The following SMG5 variants were observed in gnomAD, a reference collection of about 807,000 sequenced individuals.
SMG5 encodes nonsense-mediated mRNA decay factor SMG5.
A neutral mutation model predicts 122.9 loss-of-function variants in SMG5; 53 were observed. That is an observed-to-expected ratio of 0.43 (90% CI 0.35 to 0.54). The LOEUF (loss-of-function observed/expected upper bound fraction) is 0.54. SMG5 is among the 20% of genes least tolerant of loss of function. SMG5 has a pLI of 0.01. For synonymous variants in SMG5, 477 were observed against 490.2 expected (o/e 0.97, Z 0.35); for missense variants, 1,153 against 1,285.6 (o/e 0.90, Z 1.58).
chr1:156,251,362 C>G, intron 20 of SMG5, 41 bp downstream of exon 20: 2 of 1,605,594 alleles, frequency 1.2e-6, no homozygotes, highest in Non-Finnish European at 1.7e-6. Context: ...AGGAGCAAGG[C>G]AGGTGGCCTG....
chr1:156,285,138 C>A, upstream of SMG5: 1 of 1,470,104 alleles, frequency 6.8e-7, no homozygotes, highest in Non-Finnish European at 9.1e-7. Flanking sequence ...GTCCTAATAA[C>A]TAGAAGACAG....
intron 1 of SMG5, among the ~76,000 whole-genome samples, chr1:156,279,950 G>A (rs534593222): frequency 3.9e-5 from 6 of 152,276 alleles, no homozygotes; most frequent in African/African-American, 9.6e-5. Flanking sequence ...ACTTCCTTAC[G>A]TCTCACTTCA....
At position 156,253,511 on chromosome 1, in the gene SMG5, A is replaced by G; in HGVS notation, c.2443-3T>C. The G allele has an allele frequency of 2.5e-6, 4 of 1,614,064 alleles. No individual in the cohort carries two copies. Among genetic ancestry groups the G allele is most frequent in the Non-Finnish European group, 3.4e-6 (4 of 1,179,982 alleles). On this transcript the variant is annotated splice_polypyrimidine_tract_variant and splice_region_variant and intron_variant, in intron 16 of 21. Transcript: ENST00000361813. ...TTCCGACGAGCTTCCTCCTGTGCCT[A>G]TGAGGGAAAAAATGAGCTGTAAGGA... is the stretch of plus-strand genomic sequence containing the variant.
At chr1:156,251,969 T>A (rs975732058) in intron 19 of SMG5, among the ~76,000 whole-genome samples, 1 of 152,224 alleles carries the variant, frequency 6.6e-6, no homozygotes, top group Non-Finnish European at 1.5e-5. Context: ...GGCTTCGGTC[T>A]TACCACTCCC....
intron 1 of SMG5, among the ~76,000 whole-genome samples, chr1:156,280,128 T>C (rs753638704): frequency 3.9e-5 from 6 of 152,196 alleles, no homozygotes; most frequent in Admixed American, 1.3e-4. Flanking sequence ...GAGGTAAGTC[T>C]GTCATCACAG....
Position 156,266,561 on chromosome 1 carries a change from G to A in SMG5, c.1235C>T (p.Ala412Val). The A allele has an allele frequency of 2.5e-6, 4 of 1,614,148 alleles. No individual in the cohort carries two copies. Among genetic ancestry groups the A allele is most frequent in the Non-Finnish European group, 3.4e-6 (4 of 1,180,034 alleles). ...CCCACCTGTGCCATCACTCTGGAAT[G>A]CCGGGACGGGATTCTCGCCCTCTTC... ...ELEEGENPVPAFQSDGTDEPE... is the reference protein window; with the variant it reads ...ELEEGENPVPVFQSDGTDEPE... The change falls in exon 11 of 22, where the codon GCA (alanine) becomes GTA (valine). Residue 412 changes from alanine to valine, a missense_variant. Physicochemically the swap from Ala to Val is moderately conservative, Grantham distance 64 (BLOSUM62 0). Transcript: ENST00000361813.
chr1:156,264,897 G>A (rs374989304), intron 12 of SMG5, among the ~76,000 whole-genome samples: 3 of 151,570 alleles, frequency 2.0e-5, no homozygotes, highest in East Asian at 1.9e-4. Flanking sequence ...ATGGTGGTGC[G>A]TGCCTCTAGT....
chr1:156,263,317 T>A (rs914894262), intron 13 of SMG5, 78 bp downstream of exon 13: 43 of 1,481,350 alleles, frequency 2.9e-5, no homozygotes, highest in Non-Finnish European at 3.2e-5. Context: ...TCAGGGGGGA[T>A]CCTCAGGCCC....
rs1229479162 is a variant in SMG5 at position 156,262,477 on chromosome 1, G to GAAAAA, written c.2031+913_2031+917dup. Among the ~76,000 whole-genome samples the GAAAAA allele has an allele frequency of 9.0e-5, 6 of 67,004 alleles. 1 individual carries two copies. Among genetic ancestry groups the GAAAAA allele is most frequent in the Admixed American group, 1.6e-4 (1 of 6,208 alleles). 44.0% of individuals were successfully genotyped at this position (67,004 alleles called of 152,430 possible). On this transcript the variant is annotated intron_variant, in intron 13 of 21. Coordinates refer to ENST00000361813, the MANE Select transcript of SMG5 (RefSeq NM_015327.3). ...GGCGACAGAGCCAGACTCCATCTCA[G>GAAAAA]AAAAAAAAAAAAAAAAAAAAAGGAG...
chr1:156,274,292 A>G (rs150559279), intron 5 of SMG5, among the ~76,000 whole-genome samples: 54 of 152,358 alleles, frequency 3.5e-4, no homozygotes, highest in Admixed American at 1.0e-3. Context: ...AAGATAAAAG[A>G]AACACTCAAA....
chr1:156,250,380 C>T lies in SMG5; in HGVS notation c.*207G>A. The T allele has an allele frequency of 5.1e-6, 3 of 584,210 alleles. No homozygotes were observed. The highest frequency in any genetic ancestry group is 9.2e-6 in the Non-Finnish European group (3 of 325,556). The allele number at this position is 584,210 out of a possible 1,614,324, so 36.2% of individuals were successfully genotyped here. A position where few individuals can be genotyped will look rare whatever the true frequency, so the allele number is the denominator to read the frequency against. ...ACTCTCCTAATCCAAGCACTTTCCT[C>T]GCTTTCCTAACGTCTTGGCAACAAA... is the stretch of plus-strand genomic sequence containing the variant. On this transcript the variant is annotated 3_prime_UTR_variant, in exon 22 of 22. Transcript: ENST00000361813.
chr1:156,253,864 TCC>T, intron 16 of SMG5: 1 of 321,672 alleles, frequency 3.1e-6, no homozygotes, highest in East Asian at 7.1e-5. Flanking sequence ...CCCATGCACT[TCC>T]TCACCTTCTA....
At chr1:156,261,874 G>C (rs1230175637) in intron 13 of SMG5, among the ~76,000 whole-genome samples, 2 of 92,802 alleles carry the variant, frequency 2.2e-5, no homozygotes, top group East Asian at 6.5e-4. Context: ...TGGGCAACAA[G>C]AATGAAACTC....
At chr1:156,288,459 C>T in the SMG5 span, among the ~76,000 whole-genome samples, 8 of 152,074 alleles carry the variant, frequency 5.3e-5, no homozygotes, top group South Asian at 2.1e-4. Flanking sequence ...CTCAGCCCCC[C>T]GAGTAGCTGA....
intron 13 of SMG5, 68 bp from the exon 14 acceptor site, chr1:156,261,476 A>G: frequency 7.6e-7 from 1 of 1,308,120 alleles, no homozygotes; most frequent in South Asian, 1.2e-5. Context: ...GTGAGCAAGG[A>G]AAGCACCACC....
intron 7 of SMG5, among the ~76,000 whole-genome samples, chr1:156,269,989 G>A (rs539340664): frequency 6.6e-6 from 1 of 152,226 alleles, no homozygotes; most frequent in Non-Finnish European, 1.5e-5. Context: ...GCAGTGAGCC[G>A]AGATCGCGCC....
upstream of SMG5, among the ~76,000 whole-genome samples, chr1:156,287,038 G>A (rs776256744): frequency 2.0e-4 from 30 of 152,230 alleles, no homozygotes; most frequent in Admixed American, 4.6e-4. Context: ...CAGGAGAATC[G>A]CTTGAGTCCA....
chr1:156,250,975 G>C lies in SMG5; in HGVS notation c.2850C>G (p.Asp950Glu), dbSNP rs753059447. The change falls in exon 21 of 22, where the codon GAC (aspartate) becomes GAG (glutamate). Residue 950 changes from aspartate (D) to glutamate (E), a missense_variant. By Grantham distance (45) the Asp-to-Glu change is conservative. Around this residue, in one of 5 missense-constraint regions of SMG5, gnomAD observed 140 missense variants for 227.8 expected, o/e 0.61. Transcript: ENST00000361813. ...ADAWTLYKIL[D>E]SCKQLTLAQG... The stretch of plus-strand genomic sequence containing the variant: ...GGGCCAGAGTCAGCTGTTTGCAGCT[G>C]TCTAGGATCTTATAGAGAGTCCTGG... 6.2e-7 allele frequency: 1 copy of C among 1,614,042 alleles called. No individual in the cohort carries two copies. Among genetic ancestry groups the C allele is most frequent in the Admixed American group, 1.7e-5 (1 of 60,016 alleles).
chr1:156,291,033 A>G, the SMG5 span: 2 of 250,704 alleles, frequency 8.0e-6, no homozygotes, highest in South Asian at 6.9e-5. Flanking sequence ...CCAGCTACTC[A>G]GGAGTCTGAG....
Sources: allele counts gnomAD v4.1 joint callset (sites outside exome capture counted in the v4.1 genomes callset), GRCh38; gene constraint gnomAD v4.1.1; regional missense constraint gnomAD v4.1.1; transcripts MANE v1.5; gene names NCBI Gene and HGNC (gene_info 2026-07-23, HGNC 2026-07-21).